HPSE2: variants seen among roughly 807,000 people sequenced by gnomAD.
HPSE2 encodes the protein heparanase 2 (inactive), also known as inactive heparanase-2.
A neutral mutation model predicts 60.5 loss-of-function variants in HPSE2; 38 were observed. The observed-to-expected ratio is 0.63, with a 90% CI of 0.48 to 0.82. HPSE2 has a LOEUF of 0.82. Ranked by LOEUF, HPSE2 falls within the 40% of genes least tolerant of loss-of-function variation. The probability of loss-of-function intolerance (pLI) is 0.00; values close to 1 mark genes in which losing one functional copy is unlikely to be tolerated. For synonymous variants in HPSE2, 295 were observed against 293.2 expected, an observed-to-expected ratio of 1.01 and a Z score of -0.06; for missense variants, 713 against 740.4, an observed-to-expected ratio of 0.96 and a Z score of 0.43.
intron 3 of HPSE2, among the ~76,000 whole-genome samples, chr10:98,984,924 G>C (rs921753264): frequency 6.6e-6 from 1 of 152,200 alleles, no homozygotes; most frequent in African/African-American, 2.4e-5. Context: ...AATGAAGCGA[G>C]AAGGGAAGTT....
At position 99,046,976 on chromosome 10, in the gene HPSE2, A is replaced by G. The variant is rs373345969; in HGVS notation, c.610+97262T>C. On this transcript the variant is annotated intron_variant, in intron 3 of 11. Transcript: ENST00000370552. ...ATTAGAAAAAGATATTCTAAAATTC[A>G]TATGGAATAACAACAAAAATGAACC... is the stretch of plus-strand genomic sequence containing the variant. 3.3e-5 allele frequency among the ~76,000 whole-genome samples: 5 copies of G among 152,308 alleles called. 1 individual carries two copies. The East Asian group carries it at 5.8e-4, about 18-fold the overall frequency.
intron 3 of HPSE2, among the ~76,000 whole-genome samples, chr10:98,949,574 G>A (rs1215076747): frequency 4.6e-5 from 7 of 152,138 alleles, no homozygotes; most frequent in Non-Finnish European, 4.4e-5. Flanking sequence ...TTTAGTTCCT[G>A]ATGTCAGTAA....
In HPSE2 at chr10:98,620,572, C is replaced by T. The variant is rs568447449; in HGVS notation, c.1205+30G>A. On this transcript the variant is annotated intron_variant, in intron 8 of 11. Transcript: ENST00000370552. ...TCACTGTCCTTCCCTCCTGAAAGCC[C>T]CTGGGGGTGAACTTGCAGGTGTTAC... 3.9e-6 allele frequency: 6 copies of T among 1,528,154 alleles called. No homozygotes were observed. The South Asian group carries it at 6.7e-5, about 17-fold the overall frequency. The allele number at this position is 1,528,154 out of a possible 1,614,324, so 94.7% of individuals were successfully genotyped here. A position where few individuals can be genotyped will look rare whatever the true frequency, so the allele number is the denominator to read the frequency against.
intron 3 of HPSE2, among the ~76,000 whole-genome samples, chr10:98,789,217 G>A (rs1014646150): frequency 6.6e-6 from 1 of 152,184 alleles, no homozygotes; most frequent in Non-Finnish European, 1.5e-5. Flanking sequence ...TTAGCTGTGT[G>A]TAAAAAATGG....
chr10:99,178,569 GGAA>G (rs1847628829), intron 2 of HPSE2, among the ~76,000 whole-genome samples: 1 of 152,032 alleles, frequency 6.6e-6, no homozygotes, highest in Non-Finnish European at 1.5e-5. Flanking sequence ...CATTAAACCA[GGAA>G]GAAGTCAAAT....
rs1193765785 is a variant in HPSE2 at position 98,532,289 on chromosome 10, C to CACA, written c.1321-42094_1321-42093insTGT. 2.6e-5 allele frequency among the ~76,000 whole-genome samples: 4 copies of CACA among 152,192 alleles called. No homozygotes were observed. The East Asian group carries it at 5.8e-4, about 22-fold the overall frequency. On this transcript the variant is annotated intron_variant, in intron 9 of 11. Coordinates refer to ENST00000370552, the MANE Select transcript of HPSE2 (RefSeq NM_021828.5). The stretch of plus-strand genomic sequence containing the variant: ...AGCTTCAGAAATAGAGAAGGTACAT[C>CACA]AGATCCTACAACACAAAGGGCCAGC...
chr10:99,184,450 A>T (rs1847893227), intron 2 of HPSE2, among the ~76,000 whole-genome samples: 1 of 139,704 alleles, frequency 7.2e-6, no homozygotes. Context: ...GCTTGAACCC[A>T]GGAGGTGGAG....
intron 6 of HPSE2, among the ~76,000 whole-genome samples, chr10:98,688,477 C>CTTTTTTTTTTTTTTTTTT (rs1388717965): frequency 6.0e-5 from 5 of 83,012 alleles, no homozygotes; most frequent in Non-Finnish European, 9.3e-5. Flanking sequence ...TTTTTTTTTT[C>CTTTTTTTTTTTTTTTTTT]TTTTTTTTTT....
intron 3 of HPSE2, among the ~76,000 whole-genome samples, chr10:98,776,316 G>A (rs1261460974): frequency 4.6e-5 from 7 of 150,768 alleles, no homozygotes; most frequent in African/African-American, 1.5e-4. Context: ...GTGTGGTGGC[G>A]CATGCCTGTA....
chr10:99,181,814 A>G (rs935863981), intron 2 of HPSE2, among the ~76,000 whole-genome samples: 4 of 152,184 alleles, frequency 2.6e-5, no homozygotes, highest in African/African-American at 9.7e-5. Flanking sequence ...CCACCATTGC[A>G]CGTGTATACC....
At position 98,941,056 on chromosome 10, in the gene HPSE2, T is replaced by A. The variant is rs553882691; in HGVS notation, c.611-197000A>T. On this transcript the variant is annotated intron_variant, in intron 3 of 11. Transcript: ENST00000370552. ...CAACCCTTCATGCTAAAACTCTCAA[T>A]AAATTAGGTATTGATGGGACGTATC... is the stretch of plus-strand genomic sequence containing the variant. Among the ~76,000 whole-genome samples, 90 of 139,826 alleles carry A rather than the reference T, an allele frequency of 6.4e-4. 8 individuals carry two copies. Among genetic ancestry groups the A allele is most frequent in the South Asian group, 1.7e-3 (8 of 4,648 alleles). 91.7% of individuals were successfully genotyped at this position (139,826 alleles called of 152,430 possible). A position where few individuals can be genotyped will look rare whatever the true frequency, so the allele number is the denominator to read the frequency against.
rs921111371 is a variant in HPSE2, at chr10:98,708,258, T to C, written c.956+13399A>G. On this transcript the variant is annotated intron_variant, in intron 5 of 11. Coordinates refer to ENST00000370552, the MANE Select transcript of HPSE2 (RefSeq NM_021828.5). ...GATCACGAGGTCAGGAGATCAAGAC[T>C]ATCCTCACTAACAATGTGAAACCCT... 5.3e-5 allele frequency among the ~76,000 whole-genome samples: 8 copies of C among 151,962 alleles called. No individual in the cohort carries two copies. In the South Asian group the frequency reaches 8.3e-4, roughly 16 times the overall value.
chr10:99,202,501 T>A lies in HPSE2; in HGVS notation c.448+29847A>T, dbSNP rs564416688. Among the ~76,000 whole-genome samples the A allele has an allele frequency of 5.8e-4, 88 of 152,274 alleles. 3 individuals are homozygous for A. The South Asian group carries it at 0.018, about 31-fold the overall frequency. On this transcript the variant is annotated intron_variant, in intron 2 of 11. Transcript: ENST00000370552. ...ATCCTAGTTGTAAAGCTGGGACAAGTTATTTAACCCCTGCTGAACTTCAGT... is the reference window on the plus strand; with the variant it reads ...ATCCTAGTTGTAAAGCTGGGACAAGATATTTAACCCCTGCTGAACTTCAGT...
At chr10:99,295,162 C>A in the HPSE2 span, among the ~76,000 whole-genome samples, 2 of 151,740 alleles carry the variant, frequency 1.3e-5, no homozygotes, top group Non-Finnish European at 3.0e-5. Flanking sequence ...AGGCAATATT[C>A]TAAGAGGTTT....
At chr10:99,049,149 G>A (rs535913683) in intron 3 of HPSE2, among the ~76,000 whole-genome samples, 5 of 152,258 alleles carry the variant, frequency 3.3e-5, no homozygotes, top group Admixed American at 3.3e-4. Context: ...CTACCTGGAT[G>A]CAATATACCC....
In HPSE2 at chr10:98,954,396, TC is replaced by T. The variant is rs1399543541; in HGVS notation, c.610+189841del. 2.0e-5 allele frequency among the ~76,000 whole-genome samples: 3 copies of T among 152,252 alleles called. No individual in the cohort carries two copies. The East Asian group carries it at 5.8e-4, about 29-fold the overall frequency. ...GAGGGGAAGTCCTAAAAATCCTCAT[TC>T]CCTTTTCCATTCTATTGGGAGCCCT... On this transcript the variant is annotated intron_variant, in intron 3 of 11. Coordinates refer to ENST00000370552, the MANE Select transcript of HPSE2 (RefSeq NM_021828.5).
chr10:98,982,117 G>C (rs1037314894), intron 3 of HPSE2, among the ~76,000 whole-genome samples: 15 of 151,146 alleles, frequency 9.9e-5, no homozygotes, highest in African/African-American at 3.7e-4. Flanking sequence ...AGAGAAAAAA[G>C]CCTTGACCTC....
chr10:98,942,215 C>A lies in HPSE2; in HGVS notation c.611-198159G>T, dbSNP rs376282712. On this transcript the variant is annotated intron_variant, in intron 3 of 11. Coordinates refer to ENST00000370552, the MANE Select transcript of HPSE2 (RefSeq NM_021828.5). ...ACACCAAAAGCAATGGCAACAAAAGCCAAAATTGACAAATGGGATCTAATT... is the reference window on the plus strand; with the variant it reads ...ACACCAAAAGCAATGGCAACAAAAGACAAAATTGACAAATGGGATCTAATT... Among the ~76,000 whole-genome samples the A allele has an allele frequency of 2.5e-4, 35 of 140,570 alleles. 2 individuals carry two copies. Among genetic ancestry groups the A allele is most frequent in the African/African-American group, 7.9e-4 (27 of 34,146 alleles). The allele number at this position is 140,570 out of a possible 152,430, so 92.2% of individuals were successfully genotyped here. A position where few individuals can be genotyped will look rare whatever the true frequency, so the allele number is the denominator to read the frequency against.
chr10:98,967,737 T>C (rs1955848748), intron 3 of HPSE2, among the ~76,000 whole-genome samples: 1 of 152,216 alleles, frequency 6.6e-6, no homozygotes, highest in Non-Finnish European at 1.5e-5. Context: ...AATATTTGAA[T>C]GATGATTCAG....
Sources: allele counts gnomAD v4.1 joint callset (sites outside exome capture counted in the v4.1 genomes callset), GRCh38; gene constraint gnomAD v4.1.1; transcripts MANE v1.5; gene names NCBI Gene and HGNC (gene_info 2026-07-23, HGNC 2026-07-21).